Variants in SLC35F1 observed in about 807,000 individuals in gnomAD.
The protein encoded by SLC35F1 is chromosome 6 open reading frame 169.
Under a neutral mutation model 48.7 loss-of-function variants are expected in SLC35F1, and 14 were observed. The observed-to-expected ratio is 0.29, with a 90% CI of 0.19 to 0.45. SLC35F1 has a LOEUF of 0.45. SLC35F1 is among the 20% of genes least tolerant of loss of function. The pLI is 1.00. For synonymous variants in SLC35F1, 190 were observed against 202.2 expected (o/e 0.94, Z 0.51); for missense variants, 404 against 500.0 (o/e 0.81, Z 1.83).
At chr6:118,005,378 C>G (rs573347775) in intron 1 of SLC35F1, among the ~76,000 whole-genome samples, 1 of 152,194 alleles carries the variant, frequency 6.6e-6, no homozygotes, top group Non-Finnish European at 1.5e-5. Flanking sequence ...TTCTCCCAGT[C>G]ATGTAGACTT....
chr6:118,192,537 G>A (rs570830953), intron 2 of SLC35F1, among the ~76,000 whole-genome samples: 2 of 152,230 alleles, frequency 1.3e-5, no homozygotes, highest in Non-Finnish European at 2.9e-5. Flanking sequence ...GTTAACTGTG[G>A]AAATGACTTT....
At chr6:118,254,450 T>G (rs1053420678) in intron 3 of SLC35F1, among the ~76,000 whole-genome samples, 54 of 152,036 alleles carry the variant, frequency 3.6e-4, no homozygotes, top group Non-Finnish European at 6.5e-4. Context: ...CCTAGCTTAT[T>G]TTCGTATTGT....
chr6:117,996,975 C>T (rs896666263), intron 1 of SLC35F1, among the ~76,000 whole-genome samples: 55 of 151,196 alleles, frequency 3.6e-4, no homozygotes, highest in African/African-American at 1.3e-3. Context: ...CAAACTACTC[C>T]GAGCTACAGG....
intron 3 of SLC35F1, among the ~76,000 whole-genome samples, chr6:118,243,550 A>G (rs1052947304): frequency 6.6e-6 from 1 of 152,222 alleles, no homozygotes; most frequent in African/African-American, 2.4e-5. Context: ...TTAGAATACA[A>G]TACAGTAAGC....
At chr6:118,300,856 A>C (rs900679408) in intron 7 of SLC35F1, among the ~76,000 whole-genome samples, 3 of 152,178 alleles carry the variant, frequency 2.0e-5, no homozygotes, top group Admixed American at 1.3e-4. Context: ...GTGAGTCCTC[A>C]GCTTTAGCAA....
At chr6:118,102,275 A>G (rs1031086226) in intron 1 of SLC35F1, among the ~76,000 whole-genome samples, 1 of 152,108 alleles carries the variant, frequency 6.6e-6, no homozygotes, top group South Asian at 2.1e-4. Context: ...CCTTGACCTC[A>G]TGGGATCAAG....
At chr6:118,116,476 G>A (rs1160387452) in intron 1 of SLC35F1, among the ~76,000 whole-genome samples, 1 of 152,186 alleles carries the variant, frequency 6.6e-6, no homozygotes, top group Admixed American at 6.5e-5. Context: ...GGCATTCATA[G>A]GAATAAAGCC....
At chr6:118,196,591 C>T (rs953021062) in intron 2 of SLC35F1, among the ~76,000 whole-genome samples, 1 of 151,934 alleles carries the variant, frequency 6.6e-6, no homozygotes, top group African/African-American at 2.4e-5. Context: ...TGGCAGACAC[C>T]TATAATCCTA....
intron 4 of SLC35F1, among the ~76,000 whole-genome samples, chr6:118,272,737 G>GTATATA (rs1554243222): frequency 1.8e-4 from 22 of 120,252 alleles, no homozygotes; most frequent in African/African-American, 6.8e-4. Flanking sequence ...ATATGTGTGT[G>GTATATA]TATATATATA....
At chr6:118,155,313 T>C (rs903481165) in intron 2 of SLC35F1, among the ~76,000 whole-genome samples, 1 of 152,162 alleles carries the variant, frequency 6.6e-6, no homozygotes, top group Non-Finnish European at 1.5e-5. Flanking sequence ...CCAAAACTCA[T>C]GTTGAAATGT....
chr6:117,919,223 A>C (rs1331878058), intron 1 of SLC35F1, among the ~76,000 whole-genome samples: 5 of 152,168 alleles, frequency 3.3e-5, no homozygotes, highest in African/African-American at 1.2e-4. Context: ...AATCACTTCA[A>C]GGTTTTATGT....
intron 2 of SLC35F1, among the ~76,000 whole-genome samples, chr6:118,211,985 C>T (rs553592459): frequency 6.6e-6 from 1 of 152,098 alleles, no homozygotes; most frequent in East Asian, 1.9e-4. Flanking sequence ...TGTTTTGAGC[C>T]AATCAGCATT....
chr6:117,911,530 G>C (rs541625656), intron 1 of SLC35F1, among the ~76,000 whole-genome samples: 2 of 151,244 alleles, frequency 1.3e-5, no homozygotes, highest in Non-Finnish European at 2.9e-5. Context: ...TGACTTCCTG[G>C]GCTCAAGTGA....
chr6:117,908,581 A>AG (rs1269913903), intron 1 of SLC35F1, among the ~76,000 whole-genome samples: 2 of 152,132 alleles, frequency 1.3e-5, no homozygotes, highest in Non-Finnish European at 2.9e-5. Flanking sequence ...CCCATGCCGG[A>AG]GGGGGCGGGT....
At chr6:117,933,830 T>C (rs1776131884) in intron 1 of SLC35F1, among the ~76,000 whole-genome samples, 1 of 152,070 alleles carries the variant, frequency 6.6e-6, no homozygotes, top group Non-Finnish European at 1.5e-5. Context: ...TCTAAACTGC[T>C]AGTGCACTTT....
intron 1 of SLC35F1, among the ~76,000 whole-genome samples, chr6:118,087,911 C>T (rs1295856053): frequency 6.6e-6 from 1 of 152,162 alleles, no homozygotes; most frequent in Non-Finnish European, 1.5e-5. Flanking sequence ...CCCTAAAGCA[C>T]TAAATACTTG....
intron 2 of SLC35F1, among the ~76,000 whole-genome samples, chr6:118,211,973 G>A (rs74496307): frequency 0.036 from 5,481 of 152,248 alleles, 136 homozygotes; most frequent in Middle Eastern, 0.062. Context: ...ACAGACATTT[G>A]TTGTTTTGAG....
chr6:118,207,723 T>C (rs530781853), intron 2 of SLC35F1, among the ~76,000 whole-genome samples: 1 of 152,336 alleles, frequency 6.6e-6, no homozygotes, highest in Admixed American at 6.5e-5. Flanking sequence ...CTCGTCTGAC[T>C]TCAAGGACAA....
chr6:118,080,875 C>G (rs142658184), intron 1 of SLC35F1, among the ~76,000 whole-genome samples: 1 of 152,226 alleles, frequency 6.6e-6, no homozygotes, highest in East Asian at 1.9e-4. Flanking sequence ...AGAGAAAAAG[C>G]TAATGAAGAA....
Sources: gnomAD v4.1 joint callset for allele counts (sites outside exome capture counted in the v4.1 genomes callset) on GRCh38, gnomAD v4.1.1 for gene constraint, MANE v1.5 for transcripts, NCBI Gene and HGNC (gene_info 2026-07-23, HGNC 2026-07-21) for gene names.